Variants in ESX1 observed in about 807,000 individuals in gnomAD.
The protein encoded by ESX1 is ESX homeobox 1, also known as homeobox protein ESX1.
A neutral mutation model predicts 13.2 loss-of-function variants in ESX1; 2 were observed. That is an observed-to-expected ratio of 0.15 (90% CI 0.06 to 0.48). ESX1 has a LOEUF of 0.48. Among genes scored for constraint, ESX1 ranks in the 20% least tolerant of loss-of-function variants. ESX1 has a pLI of 0.97. For synonymous variants in ESX1, 157 were observed against 163.1 expected (o/e 0.96, Z 0.29); for missense variants, 307 against 379.0 (o/e 0.81, Z 1.58).
At chrX:104,254,084 C>T (rs1450258823) in intron 2 of ESX1, 70 bp downstream of exon 2, 3 of 1,128,215 alleles carry the variant, frequency 2.7e-6, no homozygotes, top group African/African-American at 1.8e-5. Context: ...CCGTGAGCCC[C>T]CTACGTGGCT....
rs1923158432 is a variant in ESX1, at chrX:104,250,616, G to T, written c.833C>A (p.Pro278His). Reference protein sequence around the residue: ...APMPPMAPVPPGSRMAPVPPG... With the variant: ...APMPPMAPVPHGSRMAPVPPG... The stretch of plus-strand genomic sequence containing the variant: ...TGGCACAGGCGCCATGCGTGAGCCG[G>T]GTGGCACAGGCGCCATGGGTGGCAT... The change falls in exon 4 of 4, where the codon CCC (proline) becomes CAC (histidine). Residue 278 changes from proline (P) to histidine (H), a missense_variant. Coordinates refer to ENST00000372588, the MANE Select transcript of ESX1 (RefSeq NM_153448.4). The T allele has an allele frequency of 1.7e-6, 2 of 1,205,471 alleles. No individual in the cohort carries two copies. The highest frequency in any genetic ancestry group is 3.5e-5 in the African/African-American group (2 of 57,789).
Position 104,250,942 on chromosome X carries a change from C to T in ESX1, c.553-46G>A, listed in dbSNP as rs782316591. The stretch of plus-strand genomic sequence containing the variant: ...TTGGTTTAGTATTTTGAACAGTTAA[C>T]GTCATAATAGAAAAAAACATAACAT... On this transcript the variant is annotated intron_variant, in intron 3 of 3. Coordinates refer to ENST00000372588, the MANE Select transcript of ESX1 (RefSeq NM_153448.4). 1.4e-5 allele frequency: 15 copies of T among 1,056,812 alleles called. No homozygotes were observed. The East Asian group carries it at 2.5e-4, about 17-fold the overall frequency. 87.1% of individuals were successfully genotyped at this position (1,056,812 alleles called of 1,213,427 possible). A position where few individuals can be genotyped will look rare whatever the true frequency, so the allele number is the denominator to read the frequency against.
Position 104,250,871 on chromosome X carries a change from T to C in ESX1, c.578A>G (p.Lys193Arg), listed in dbSNP as rs41305431. The part of the protein sequence containing the change: ...VQVWFQNRRA[K>R]WKRNQRVLML... Reference sequence around the variant, plus strand: ...TAGCACCCTCTGATTTCGTTTCCACTTGGCTCTTCTGTTCTGAAACCAAAC... The same window carrying C: ...TAGCACCCTCTGATTTCGTTTCCACCTGGCTCTTCTGTTCTGAAACCAAAC... The change falls in exon 4 of 4, where the codon AAG becomes AGG. Residue 193 changes from lysine to arginine, a missense_variant. Transcript: ENST00000372588. The C allele has an allele frequency of 0.078, 93,981 of 1,204,460 alleles. 2,996 individuals are homozygous for C. The highest frequency in any genetic ancestry group is 0.094 in the Non-Finnish European group (83,934 of 891,594).
Position 104,254,776 on chromosome X carries a change from T to G in ESX1, c.74A>C (p.Glu25Ala). 8.3e-7 allele frequency: 1 copy of G among 1,208,193 alleles called. No homozygotes were observed. Among genetic ancestry groups the G allele is most frequent in the Non-Finnish European group, 1.1e-6 (1 of 892,345 alleles). Residue 25 changes from glutamate to alanine, a missense_variant, in exon 1 of 4, where the codon GAA (glutamate) becomes GCA (alanine). Transcript: ENST00000372588. The stretch of plus-strand genomic sequence containing the variant: ...CCTGTCCAAGCACTAACCATTCACT[T>G]CCTCGATGTCCTCGCCGACTGCCAG... ...RSLAVGEDIE[E>A]VNDEKLTVTS...
In ESX1 at chrX:104,254,484, T is replaced by A; in HGVS notation, c.176A>T (p.Asn59Ile). The A allele has an allele frequency of 8.3e-7, 1 of 1,212,025 alleles. No homozygotes were observed. The highest frequency in any genetic ancestry group is 3.0e-5 in the East Asian group (1 of 33,827). ...GACGGACCCTTCCGTGCCAACGTTG[T>A]TTTCCGCTTCTGTTCCGTACTCAGG... is the stretch of plus-strand genomic sequence containing the variant. Reference protein sequence around the residue: ...SKPEYGTEAENNVGTEGSVPS... With the variant: ...SKPEYGTEAEINVGTEGSVPS... Residue 59 changes from asparagine to isoleucine, a missense_variant, in exon 2 of 4, where the codon AAC (asparagine) becomes ATC (isoleucine). Asn to Ile is a moderately radical substitution (Grantham distance 149). Around this residue, in one of 3 missense-constraint regions of ESX1, gnomAD observed 152 missense variants for 114.5 expected, o/e 1.33. Coordinates refer to ENST00000372588, the MANE Select transcript of ESX1 (RefSeq NM_153448.4).
chrX:104,252,566 C>T lies in ESX1; in HGVS notation c.552+217G>A, dbSNP rs781880418. 4.5e-5 allele frequency among the ~76,000 whole-genome samples: 5 copies of T among 111,446 alleles called. No individual in the cohort carries two copies. In the East Asian group the frequency reaches 1.4e-3, roughly 31 times the overall value. On this transcript the variant is annotated intron_variant, in intron 3 of 3. Coordinates refer to ENST00000372588, the MANE Select transcript of ESX1 (RefSeq NM_153448.4). ...GGAAGATGAAAACACATCTTTTTTT[C>T]CTTTAGGAAATCATATTTCCTCTGT...
rs1479170251 is a variant in ESX1 at position 104,250,221 on chromosome X, C to T, written c.*7G>A. On this transcript the variant is annotated 3_prime_UTR_variant, in exon 4 of 4. Transcript: ENST00000372588. ...AACTTTGGAAAAACTGTTATGAATACCTTACTTTAGAAAAAGGGACATGCA... is the reference window on the plus strand; with the variant it reads ...AACTTTGGAAAAACTGTTATGAATATCTTACTTTAGAAAAAGGGACATGCA... 2.5e-6 allele frequency: 3 copies of T among 1,205,115 alleles called. No homozygotes were observed. Among genetic ancestry groups the T allele is most frequent in the Non-Finnish European group, 3.4e-6 (3 of 892,096 alleles).
chrX:104,250,840 C>G lies in ESX1; in HGVS notation c.609G>C (p.Leu203Phe). The G allele has an allele frequency of 8.3e-7, 1 of 1,211,397 alleles. No homozygotes were observed. The highest frequency in any genetic ancestry group is 1.1e-6 in the Non-Finnish European group (1 of 895,271). The part of the protein sequence containing the change: ...KWKRNQRVLM[L>F]RNTATADLAH... ...CCAGGTCAGCAGTAGCAGTGTTTCT[C>G]AACATTAGCACCCTCTGATTTCGTT... Residue 203 changes from leucine (L) to phenylalanine (F), a missense_variant, in exon 4 of 4, where the codon TTG (leucine) becomes TTC (phenylalanine). This residue lies in a region of ESX1 where 108 missense variants were observed against 147.5 expected (regional missense o/e 0.73). Coordinates refer to ENST00000372588, the MANE Select transcript of ESX1 (RefSeq NM_153448.4).
At position 104,254,454 on chromosome X, in the gene ESX1, G is replaced by A. The variant is rs782015243; in HGVS notation, c.206C>T (p.Ser69Leu). The A allele has an allele frequency of 9.9e-6, 12 of 1,212,231 alleles. No homozygotes were observed. The South Asian group carries it at 1.4e-4, about 14-fold the overall frequency. The part of the protein sequence containing the change: ...NNVGTEGSVP[S>L]DDQDREGGGG... The stretch of plus-strand genomic sequence containing the variant: ...GCCACCCTCACGGTCTTGGTCGTCC[G>A]AGGGGACGGACCCTTCCGTGCCAAC... The change falls in exon 2 of 4, where the codon TCG becomes TTG. Residue 69 changes from serine to leucine, a missense_variant. Around this residue, in one of 3 missense-constraint regions of ESX1, gnomAD observed 152 missense variants for 114.5 expected, o/e 1.33. Transcript: ENST00000372588.
rs1284077695 is a variant in ESX1, at chrX:104,252,987, A to G, written c.507-159T>C. On this transcript the variant is annotated intron_variant, in intron 2 of 3. Coordinates refer to ENST00000372588, the MANE Select transcript of ESX1 (RefSeq NM_153448.4). ...AGCATGGTGAAACCCTGTCTCTACTAAAAATACAAAAATTAGCCGGGCATG... is the reference window on the plus strand; with the variant it reads ...AGCATGGTGAAACCCTGTCTCTACTGAAAATACAAAAATTAGCCGGGCATG... 2.7e-5 allele frequency among the ~76,000 whole-genome samples: 3 copies of G among 110,340 alleles called. No individual in the cohort carries two copies. The East Asian group carries it at 8.6e-4, about 31-fold the overall frequency.
chrX:104,250,842 A>AGTAG lies in ESX1; in HGVS notation c.606_607insCTAC (p.Arg204LeufsTer8), dbSNP rs1556394164. ...AGGTCAGCAGTAGCAGTGTTTCTCA[A>AGTAG]CATTAGCACCCTCTGATTTCGTTTC... On this transcript the variant is annotated frameshift_variant, in exon 4 of 4. Coordinates refer to ENST00000372588, the MANE Select transcript of ESX1 (RefSeq NM_153448.4). LOFTEE classifies it low-confidence loss of function (END_TRUNC). 8.3e-7 allele frequency: 1 copy of AGTAG among 1,210,379 alleles called. No individual in the cohort carries two copies. The highest frequency in any genetic ancestry group is 3.0e-5 in the East Asian group (1 of 33,791).
chrX:104,250,996 A>G lies in ESX1; in HGVS notation c.553-100T>C, dbSNP rs1923171559. The G allele has an allele frequency of 4.1e-6, 3 of 726,658 alleles. No homozygotes were observed. In the East Asian group the frequency reaches 9.8e-5, roughly 24 times the overall value. 59.9% of individuals were successfully genotyped at this position (726,658 alleles called of 1,213,427 possible). A position where few individuals can be genotyped will look rare whatever the true frequency, so the allele number is the denominator to read the frequency against. On this transcript the variant is annotated intron_variant, in intron 3 of 3. Coordinates refer to ENST00000372588, the MANE Select transcript of ESX1 (RefSeq NM_153448.4). ...ATTCTATATGCCACTGAGACTTTAA[A>G]CTGCAACAGGTGAAGCTATTTTCTT...
intron 3 of ESX1, among the ~76,000 whole-genome samples, chrX:104,252,004 T>G (rs1556394465): frequency 8.9e-6 from 1 of 112,303 alleles, no homozygotes; most frequent in African/African-American, 3.2e-5. Flanking sequence ...CTTCTTTCTT[T>G]TTTTGTTTCA....
At chrX:104,254,121 A>G (rs1923257223) in intron 2 of ESX1, 33 bp downstream of exon 2, 1 of 1,169,226 alleles carries the variant, frequency 8.6e-7, no homozygotes, top group African/African-American at 1.8e-5. Flanking sequence ...GGGTCCCGGG[A>G]TGAACTGGGC....
In ESX1 at chrX:104,254,763, C is replaced by G; in HGVS notation, c.82+5G>C. 2 of 1,206,326 alleles carry G rather than the reference C, an allele frequency of 1.7e-6. No homozygotes were observed. Among genetic ancestry groups the G allele is most frequent in the East Asian group, 5.9e-5 (2 of 33,820 alleles). On this transcript the variant is annotated splice_donor_5th_base_variant and intron_variant, in intron 1 of 3. Transcript: ENST00000372588. ...GAAAGCTCCCGTCCCTGTCCAAGCA[C>G]TAACCATTCACTTCCTCGATGTCCT...
Position 104,254,183 on chromosome X carries a change from A to G in ESX1, c.477T>C (p.Asp159=), listed in dbSNP as rs1923259859. 2 of 1,207,029 alleles carry G rather than the reference A, an allele frequency of 1.7e-6. No homozygotes were observed. The highest frequency in any genetic ancestry group is 1.7e-5 in the African/African-American group (1 of 57,416). The change falls in exon 2 of 4, where the codon GAT becomes GAC. Residue 159 remains aspartate, a synonymous_variant. Coordinates refer to ENST00000372588, the MANE Select transcript of ESX1 (RefSeq NM_153448.4). The part of the protein sequence containing the change: ...FQLQELENFF[D]ESQYPDVVAR... ...CCACAACGTCGGGATATTGAGATTC[A>G]TCGAAAAAGTTCTCTAGCTCCTGCA... is the stretch of plus-strand genomic sequence containing the variant.
intron 1 of ESX1, 58 bp downstream of exon 1, chrX:104,254,710 A>T: frequency 8.6e-7 from 1 of 1,159,827 alleles, no homozygotes; most frequent in Non-Finnish European, 1.2e-6. Context: ...TGCCTCTCCC[A>T]GGGAAAAATT....
At chrX:104,251,284 A>G (rs1923178692) in intron 3 of ESX1, among the ~76,000 whole-genome samples, 2 of 112,168 alleles carry the variant, frequency 1.8e-5, no homozygotes, top group South Asian at 3.7e-4. Context: ...CCTTCTTTGT[A>G]TTTTCTGGCT....
intron 3 of ESX1, among the ~76,000 whole-genome samples, chrX:104,251,671 T>C (rs145185702): frequency 8.9e-6 from 1 of 112,258 alleles, no homozygotes; most frequent in Non-Finnish European, 1.9e-5. Context: ...TTTGATCCCA[T>C]GACCTGCAAA....
Sources: allele counts gnomAD v4.1 joint callset (sites outside exome capture counted in the v4.1 genomes callset), GRCh38; gene constraint gnomAD v4.1.1; regional missense constraint gnomAD v4.1.1; transcripts MANE v1.5; gene names NCBI Gene and HGNC (gene_info 2026-07-23, HGNC 2026-07-21).